The following HDGFL3 variants were observed in gnomAD, a reference collection of about 807,000 sequenced individuals.
HDGFL3 encodes the protein HDGF like 3, also known as hepatoma-derived growth factor-related protein 3.
HDGFL3 carries 6 observed loss-of-function variants against 27.6 expected under a neutral mutation model. That is an observed-to-expected ratio of 0.22 (90% CI 0.12 to 0.43). The LOEUF (loss-of-function observed/expected upper bound fraction) is 0.43. Among genes scored for constraint, HDGFL3 ranks in the 20% least tolerant of loss-of-function variants. HDGFL3 has a pLI of 1.00. For synonymous variants in HDGFL3, 88 were observed against 88.9 expected (o/e 0.99, Z 0.05); for missense variants, 207 against 250.1 (o/e 0.83, Z 1.16).
At chr15:83,161,717 A>T (rs1342289262) in intron 2 of HDGFL3, among the ~76,000 whole-genome samples, 2 of 152,172 alleles carry the variant, frequency 1.3e-5, no homozygotes, top group South Asian at 4.1e-4. Context: ...AACTGTTCTA[A>T]AACAAGTTGT....
chr15:83,172,778 G>A (rs928456549), intron 1 of HDGFL3, among the ~76,000 whole-genome samples: 11 of 148,748 alleles, frequency 7.4e-5, no homozygotes, highest in East Asian at 2.0e-4. Context: ...CTGAGATCGC[G>A]CCACTGCACT....
Position 83,203,465 on chromosome 15 carries a change from C to A in HDGFL3, c.84+3866G>T, listed in dbSNP as rs151120537. ...AGGATTATGGAATATCTACTTCTAA[C>A]TGAACTAGCTCTCACCAAATGAACA... On this transcript the variant is annotated intron_variant, in intron 1 of 5. Transcript: ENST00000299633. Among the ~76,000 whole-genome samples the A allele has an allele frequency of 5.0e-3, 765 of 152,090 alleles. 7 individuals carry two copies. Among genetic ancestry groups the A allele is most frequent in the African/African-American group, 0.018 (733 of 41,496 alleles).
At chr15:83,183,559 G>C (rs1000403146) in intron 1 of HDGFL3, among the ~76,000 whole-genome samples, 10 of 152,018 alleles carry the variant, frequency 6.6e-5, no homozygotes, top group African/African-American at 9.7e-5. Context: ...TCAGGAAGTC[G>C]AGAACAGCCT....
chr15:83,202,679 T>C (rs2037662901), intron 1 of HDGFL3, among the ~76,000 whole-genome samples: 1 of 152,150 alleles, frequency 6.6e-6, no homozygotes, highest in Non-Finnish European at 1.5e-5. Context: ...TCATACAGTA[T>C]AGTGCACAAA....
rs41326445 is a variant in HDGFL3 at position 83,134,794 on chromosome 15, G to A, written c.*4476C>T. On this transcript the variant is annotated 3_prime_UTR_variant, in exon 6 of 6. Coordinates refer to ENST00000299633, the MANE Select transcript of HDGFL3 (RefSeq NM_016073.4). ...GGGATCAAATGTGGCTTCCAGTCCAGAGAAAATGCTTGGTTATATATTCAG... is the reference window on the plus strand; with the variant it reads ...GGGATCAAATGTGGCTTCCAGTCCAAAGAAAATGCTTGGTTATATATTCAG... The A allele has an allele frequency of 0.2, 30,792 of 152,146 alleles. 3,264 individuals are homozygous for A. The highest frequency in any genetic ancestry group is 0.22 in the Admixed American group (3,401 of 15,278). 9.4% of individuals were successfully genotyped at this position (152,146 alleles called of 1,614,324 possible). A position where few individuals can be genotyped will look rare whatever the true frequency, so the allele number is the denominator to read the frequency against.
At chr15:83,193,473 G>T (rs534323010) in intron 1 of HDGFL3, among the ~76,000 whole-genome samples, 1 of 152,294 alleles carries the variant, frequency 6.6e-6, no homozygotes, top group South Asian at 2.1e-4. Flanking sequence ...CTTGTGCATT[G>T]TTGGTGAGAA....
At chr15:83,192,377 C>T (rs560537649) in intron 1 of HDGFL3, 9 of 442,954 alleles carry the variant, frequency 2.0e-5, no homozygotes, top group Non-Finnish European at 4.1e-5. Flanking sequence ...GCTAAACAAA[C>T]ATTTAATTAT....
Position 83,129,110 on chromosome 15 carries a change from G to A in HDGFL3, c.*10160C>T, listed in dbSNP as rs1379452572. On this transcript the variant is annotated 3_prime_UTR_variant, in exon 6 of 6. Coordinates refer to ENST00000299633, the MANE Select transcript of HDGFL3 (RefSeq NM_016073.4). ...CTCCCAAAGTGGTAGGATTACAGGT[G>A]TGAGCCACCACACCCAACCAGGTCC... 1 of 152,194 alleles carries A rather than the reference G, an allele frequency of 6.6e-6. No individual in the cohort carries two copies. The highest frequency in any genetic ancestry group is 1.5e-5 in the Non-Finnish European group (1 of 68,056). 9.4% of individuals were successfully genotyped at this position (152,194 alleles called of 1,614,324 possible). A position where few individuals can be genotyped will look rare whatever the true frequency, so the allele number is the denominator to read the frequency against.
intron 1 of HDGFL3, among the ~76,000 whole-genome samples, chr15:83,197,093 T>A (rs1173644667): frequency 1.3e-5 from 2 of 152,094 alleles, no homozygotes; most frequent in Non-Finnish European, 2.9e-5. Flanking sequence ...ATCCCAGGAG[T>A]GTACTCAAAA....
intron 1 of HDGFL3, among the ~76,000 whole-genome samples, chr15:83,188,098 C>T (rs2037468356): frequency 6.6e-6 from 1 of 152,122 alleles, no homozygotes; most frequent in Non-Finnish European, 1.5e-5. Flanking sequence ...CCCTTCCAAT[C>T]TTTGACAGCA....
At chr15:83,150,172 T>C (rs2036946208) in intron 5 of HDGFL3, among the ~76,000 whole-genome samples, 1 of 152,080 alleles carries the variant, frequency 6.6e-6, no homozygotes, top group Non-Finnish European at 1.5e-5. Flanking sequence ...CATCTAGAAA[T>C]AAGTTTGGTA....
intron 4 of HDGFL3, among the ~76,000 whole-genome samples, chr15:83,151,816 T>C (rs543958046): frequency 1.3e-5 from 2 of 152,342 alleles, no homozygotes; most frequent in Middle Eastern, 3.4e-3. Context: ...ATATTCATGC[T>C]GGAACACCTC....
rs993826636 is a variant in HDGFL3, at chr15:83,131,018, A to T, written c.*8252T>A. 1.3e-5 allele frequency: 2 copies of T among 152,206 alleles called. No homozygotes were observed. Among genetic ancestry groups the T allele is most frequent in the Non-Finnish European group, 1.5e-5 (1 of 68,094 alleles). The allele number at this position is 152,206 out of a possible 1,614,324, so 9.4% of individuals were successfully genotyped here. ...AGGTGGGAGGATCACTTGAACCAGG[A>T]GGCAGAGGTTGCAGTGAGCCGAGAC... On this transcript the variant is annotated 3_prime_UTR_variant, in exon 6 of 6. Transcript: ENST00000299633.
chr15:83,169,573 G>A (rs933232167), intron 1 of HDGFL3, among the ~76,000 whole-genome samples: 14 of 151,948 alleles, frequency 9.2e-5, no homozygotes, highest in Non-Finnish European at 1.2e-4. Flanking sequence ...AGGCCGAGGC[G>A]GGAGGGTAAC....
intron 1 of HDGFL3, among the ~76,000 whole-genome samples, chr15:83,205,189 A>C (rs1449322142): frequency 6.6e-6 from 1 of 152,226 alleles, no homozygotes; most frequent in East Asian, 1.9e-4. Context: ...AGATGGGAAT[A>C]ATGCCTCATA....
At chr15:83,164,426 CAG>C (rs2037140812) in intron 1 of HDGFL3, among the ~76,000 whole-genome samples, 1 of 115,178 alleles carries the variant, frequency 8.7e-6, no homozygotes, top group Admixed American at 9.2e-5. Flanking sequence ...TTTTGAGTAA[CAG>C]TGAATACATA....
intron 1 of HDGFL3, among the ~76,000 whole-genome samples, chr15:83,194,951 A>T (rs1948009923): frequency 6.6e-6 from 1 of 152,220 alleles, no homozygotes; most frequent in Non-Finnish European, 1.5e-5. Flanking sequence ...GGAAAAAGCA[A>T]TAGAACAAAA....
intron 1 of HDGFL3, among the ~76,000 whole-genome samples, chr15:83,192,485 T>G (rs554716256): frequency 6.6e-6 from 1 of 152,272 alleles, no homozygotes; most frequent in Admixed American, 6.5e-5. Context: ...TAATTTTTGA[T>G]GAGTCAATGT....
intron 1 of HDGFL3, among the ~76,000 whole-genome samples, chr15:83,175,312 C>T (rs2037295506): frequency 6.6e-6 from 1 of 152,162 alleles, no homozygotes. Context: ...GACATGCACT[C>T]ACTTTATATT....
Sources: allele counts gnomAD v4.1 joint callset (sites outside exome capture counted in the v4.1 genomes callset), GRCh38; gene constraint gnomAD v4.1.1; transcripts MANE v1.5; gene names NCBI Gene and HGNC (gene_info 2026-07-23, HGNC 2026-07-21).